Variants in CEP41 observed in about 807,000 individuals in gnomAD.
CEP41 encodes the protein centrosomal protein 41.
Under a neutral mutation model 44.3 loss-of-function variants are expected in CEP41, and 32 were observed. That is an observed-to-expected ratio of 0.72 (90% CI 0.54 to 0.97). The LOEUF is 0.97. Ranked by LOEUF, CEP41 falls within the 50% of genes least tolerant of loss-of-function variation. The probability of loss-of-function intolerance (pLI) is 0.00; values close to 1 mark genes in which losing one functional copy is unlikely to be tolerated. For synonymous variants in CEP41, 151 were observed against 168.5 expected (o/e 0.90, Z 0.80); for missense variants, 432 against 455.2 (o/e 0.95, Z 0.46).
Position 130,394,854 on chromosome 7 carries a change from T to C in CEP41, c.*4037A>G, listed in dbSNP as rs7793239. ...AAAATAATTGCAACAGGAAGACATA[T>C]TGATATCCTTTAAAAGATGCAGCCC... is the stretch of plus-strand genomic sequence containing the variant. On this transcript the variant is annotated 3_prime_UTR_variant, in exon 11 of 11. Transcript: ENST00000223208. 99,857 of 453,960 alleles carry C rather than the reference T, an allele frequency of 0.22. 11,375 individuals are homozygous for C. The highest frequency in any genetic ancestry group is 0.29 in the African/African-American group (14,284 of 50,026). 28.1% of individuals were successfully genotyped at this position (453,960 alleles called of 1,614,324 possible). A position where few individuals can be genotyped will look rare whatever the true frequency, so the allele number is the denominator to read the frequency against.
chr7:130,440,947 A>T lies in CEP41; in HGVS notation c.20T>A (p.Ile7Asn), dbSNP rs147494464. 1 of 1,612,618 alleles carries T rather than the reference A, an allele frequency of 6.2e-7. No individual in the cohort carries two copies. Among genetic ancestry groups the T allele is most frequent in the Admixed American group, 1.7e-5 (1 of 60,028 alleles). MSLRRH[I>N]GNPEYLMKRI... ...CCTGGCCCTCACCTCAGGGTTCCCAATGTGCCTCCGGAGGGACATATTTTC... is the reference window on the plus strand; with the variant it reads ...CCTGGCCCTCACCTCAGGGTTCCCATTGTGCCTCCGGAGGGACATATTTTC... The change falls in exon 1 of 11, where the codon ATT becomes AAT. Residue 7 changes from isoleucine (I) to asparagine (N), a missense_variant. By Grantham distance (149) the Ile-to-Asn change is moderately radical. Coordinates refer to ENST00000223208, the MANE Select transcript of CEP41 (RefSeq NM_018718.3).
rs781852757 is a variant in CEP41, at chr7:130,416,953, A to G, written c.111T>C (p.Thr37=). Residue 37 remains threonine, a synonymous_variant, in exon 3 of 11, where the codon ACT becomes ACC. Coordinates refer to ENST00000223208, the MANE Select transcript of CEP41 (RefSeq NM_018718.3). ...TCTCTTCGAGCTTCTCAGTATATTTAGTCATACTGTTACCTAAAAAGAAAA... is the reference window on the plus strand; with the variant it reads ...TCTCTTCGAGCTTCTCAGTATATTTGGTCATACTGTTACCTAAAAAGAAAA... ...KSRLDTGNSM[T]KYTEKLEEIK... 1 of 1,585,184 alleles carries G rather than the reference A, an allele frequency of 6.3e-7. No individual in the cohort carries two copies. The highest frequency in any genetic ancestry group is 8.7e-7 in the Non-Finnish European group (1 of 1,153,746).
Position 130,396,104 on chromosome 7 carries a change from T to C in CEP41, c.*2787A>G. 2.2e-6 allele frequency: 1 copy of C among 454,094 alleles called. No individual in the cohort carries two copies. Among genetic ancestry groups the C allele is most frequent in the South Asian group, 1.6e-5 (1 of 64,466 alleles). 28.1% of individuals were successfully genotyped at this position (454,094 alleles called of 1,614,324 possible). A position where few individuals can be genotyped will look rare whatever the true frequency, so the allele number is the denominator to read the frequency against. ...CTTCTTTCTCCCTTCCTTTCTTTTT[T>C]TCTTTTCTCCCTTCCTTAAACACAA... On this transcript the variant is annotated 3_prime_UTR_variant, in exon 11 of 11. Transcript: ENST00000223208.
chr7:130,399,867 G>A (rs1427677289), intron 10 of CEP41, 172 bp downstream of exon 10: 16 of 641,068 alleles, frequency 2.5e-5, no homozygotes, highest in Admixed American at 1.5e-4. Context: ...TCTTCAATGC[G>A]TAATTCTTGC....
chr7:130,409,493 C>T (rs1473330953), intron 5 of CEP41, among the ~76,000 whole-genome samples: 1 of 152,176 alleles, frequency 6.6e-6, no homozygotes, highest in African/African-American at 2.4e-5. Context: ...AGGCATCTGT[C>T]AAAGATAAAT....
At chr7:130,415,836 T>G (rs1797319302) in intron 3 of CEP41, among the ~76,000 whole-genome samples, 1 of 152,196 alleles carries the variant, frequency 6.6e-6, no homozygotes, top group Admixed American at 6.5e-5. Flanking sequence ...TAAAAGTATA[T>G]ATTTTATATA....
chr7:130,438,425 T>G (rs185578261), intron 1 of CEP41, among the ~76,000 whole-genome samples: 396 of 152,184 alleles, frequency 2.6e-3, no homozygotes, highest in Non-Finnish European at 3.9e-3. Flanking sequence ...CAGGCTTTGT[T>G]GGTGTGCGCC....
Position 130,394,651 on chromosome 7 carries a change from G to A in CEP41, c.*4240C>T, listed in dbSNP as rs1554413808. Reference sequence around the variant, plus strand: ...CCACAAAGGCAGGATACACAAGGGGGACAGAAGATAACGAGCTTTCTGGGT... The same window carrying A: ...CCACAAAGGCAGGATACACAAGGGGAACAGAAGATAACGAGCTTTCTGGGT... On this transcript the variant is annotated 3_prime_UTR_variant, in exon 11 of 11. Transcript: ENST00000223208. 1 of 453,936 alleles carries A rather than the reference G, an allele frequency of 2.2e-6. No individual in the cohort carries two copies. The highest frequency in any genetic ancestry group is 2.3e-5 in the Admixed American group (1 of 42,556). The allele number at this position is 453,936 out of a possible 1,614,324, so 28.1% of individuals were successfully genotyped here.
upstream of CEP41, among the ~76,000 whole-genome samples, chr7:130,441,559 TA>T (rs1412478021): frequency 1.3e-5 from 2 of 152,222 alleles, no homozygotes; most frequent in Non-Finnish European, 2.9e-5. Context: ...ATCGGTGCTT[TA>T]AAAGCTTTTA....
intron 1 of CEP41, 50 bp downstream of exon 1, chr7:130,440,881 CTTT>C (rs1554427473): frequency 2.5e-6 from 4 of 1,599,974 alleles, no homozygotes; most frequent in Non-Finnish European, 3.4e-6. Context: ...CCACATGAGC[CTTT>C]TCCGGTGCGC....
intron 1 of CEP41, among the ~76,000 whole-genome samples, chr7:130,436,457 T>A (rs1405298524): frequency 6.6e-6 from 1 of 152,198 alleles, no homozygotes; most frequent in Non-Finnish European, 1.5e-5. Context: ...ATGCAATAGT[T>A]CTTTATCTTG....
At chr7:130,419,083 T>A in intron 2 of CEP41, 1 of 985,448 alleles carries the variant, frequency 1.0e-6, no homozygotes, top group South Asian at 4.7e-5. Flanking sequence ...TTATTTTGTA[T>A]CAGCTGACCC....
intron 1 of CEP41, among the ~76,000 whole-genome samples, chr7:130,433,664 G>A (rs1229715643): frequency 2.0e-5 from 3 of 152,158 alleles, no homozygotes; most frequent in African/African-American, 7.2e-5. Context: ...TCAATTCTAC[G>A]TGACTTCCAA....
At chr7:130,409,548 G>A (rs1797112217) in intron 5 of CEP41, among the ~76,000 whole-genome samples, 1 of 152,170 alleles carries the variant, frequency 6.6e-6, no homozygotes, top group South Asian at 2.1e-4. Context: ...ACAAAAAACA[G>A]TCCAGGGAAA....
chr7:130,418,716 T>C (rs1797412588), intron 2 of CEP41, among the ~76,000 whole-genome samples: 1 of 152,208 alleles, frequency 6.6e-6, no homozygotes, highest in African/African-American at 2.4e-5. Context: ...ACATCTTTTT[T>C]TGTTGTGTTG....
At chr7:130,419,807 C>T (rs981239622) in intron 2 of CEP41, 3 of 985,210 alleles carry the variant, frequency 3.0e-6, no homozygotes, top group Admixed American at 6.2e-5. Context: ...TTGCCACATA[C>T]TCGTAAGAGC....
Position 130,398,622 on chromosome 7 carries a change from A to C in CEP41, c.*269T>G, listed in dbSNP as rs1796744622. 1 of 640,600 alleles carries C rather than the reference A, an allele frequency of 1.6e-6. No individual in the cohort carries two copies. Among genetic ancestry groups the C allele is most frequent in the Admixed American group, 2.1e-5 (1 of 48,146 alleles). The allele number at this position is 640,600 out of a possible 1,614,324, so 39.7% of individuals were successfully genotyped here. A position where few individuals can be genotyped will look rare whatever the true frequency, so the allele number is the denominator to read the frequency against. ...AAACGTAGATACTTTTTTCCTATAC[A>C]GTTTCACAAGACTTAAATATGCTGT... On this transcript the variant is annotated 3_prime_UTR_variant, in exon 11 of 11. Coordinates refer to ENST00000223208, the MANE Select transcript of CEP41 (RefSeq NM_018718.3).
At chr7:130,441,251 A>T, upstream of CEP41, 11 of 159,626 alleles carry the variant, frequency 6.9e-5, no homozygotes, top group East Asian at 2.8e-4. Flanking sequence ...GCGGGAAGAG[A>T]GGCGCGGGGG....
intron 5 of CEP41, among the ~76,000 whole-genome samples, chr7:130,408,338 T>C (rs2117591227): frequency 6.6e-6 from 1 of 152,334 alleles, no homozygotes; most frequent in South Asian, 2.1e-4. Flanking sequence ...GTCAAGTTAA[T>C]ATTGTTCTCC....
Sources: gnomAD v4.1 joint callset for allele counts (sites outside exome capture counted in the v4.1 genomes callset) on GRCh38, gnomAD v4.1.1 for gene constraint, MANE v1.5 for transcripts, NCBI Gene and HGNC (gene_info 2026-07-23, HGNC 2026-07-21) for gene names.